ADGRA3: variants seen among roughly 807,000 people sequenced by gnomAD.
The protein encoded by ADGRA3 is adhesion G protein-coupled receptor A3.
ADGRA3 carries 56 observed loss-of-function variants against 119.8 expected under a neutral mutation model. The observed-to-expected ratio is 0.47, with a 90% CI of 0.38 to 0.58. ADGRA3 has a LOEUF of 0.58. ADGRA3 is among the 20% of genes least tolerant of loss of function. The pLI is 0.00. For missense variants in ADGRA3, 1,516 were observed against 1,649.0 expected, an observed-to-expected ratio of 0.92 and a Z score of 1.40; for synonymous variants, 607 against 623.8, an observed-to-expected ratio of 0.97 and a Z score of 0.40.
chr4:22,430,981 G>T (rs2109052987), intron 10 of ADGRA3, among the ~76,000 whole-genome samples: 1 of 152,320 alleles, frequency 6.6e-6, no homozygotes, highest in Middle Eastern at 3.4e-3. Context: ...GCTTCCACGT[G>T]GTGTTGAGAT....
At chr4:22,494,774 T>G (rs1214355622) in intron 1 of ADGRA3, among the ~76,000 whole-genome samples, 1 of 152,034 alleles carries the variant, frequency 6.6e-6, no homozygotes. Context: ...AAAGATTATT[T>G]TTAGTTATTT....
chr4:22,472,863 GA>G (rs1185599912), intron 2 of ADGRA3, among the ~76,000 whole-genome samples: 1 of 152,082 alleles, frequency 6.6e-6, no homozygotes, highest in Non-Finnish European at 1.5e-5. Context: ...TATGTATTGT[GA>G]AATTTTATCC....
intron 1 of ADGRA3, among the ~76,000 whole-genome samples, chr4:22,511,857 C>T (rs1440882002): frequency 6.6e-6 from 1 of 151,814 alleles, no homozygotes; most frequent in Non-Finnish European, 1.5e-5. Context: ...CCCCTTGTTC[C>T]CTCACCGTTT....
At chr4:22,401,216 A>T (rs1014395573) in intron 16 of ADGRA3, among the ~76,000 whole-genome samples, 3 of 152,342 alleles carry the variant, frequency 2.0e-5, no homozygotes, top group Admixed American at 2.0e-4. Flanking sequence ...ATTCCCAATG[A>T]TAAAGGGATG....
In ADGRA3 at chr4:22,515,853, G is replaced by A. The variant is rs914687816; in HGVS notation, c.-69C>T. On this transcript the variant is annotated 5_prime_UTR_variant, in exon 1 of 19. Coordinates refer to ENST00000334304, the MANE Select transcript of ADGRA3 (RefSeq NM_145290.4). ...TAGCGGGCCGCCCCGGAGCCCGGGC[G>A]GGCAGGAGCGCGGCGCGGGCCCAGC... 1,573 of 970,652 alleles carry A rather than the reference G, an allele frequency of 1.6e-3. 18 individuals carry two copies. In the African/African-American group the frequency reaches 0.026, roughly 16 times the overall value. 60.1% of individuals were successfully genotyped at this position (970,652 alleles called of 1,614,324 possible).
intron 4 of ADGRA3, among the ~76,000 whole-genome samples, chr4:22,448,136 C>T (rs1056769965): frequency 6.6e-6 from 1 of 152,166 alleles, no homozygotes; most frequent in Non-Finnish European, 1.5e-5. Flanking sequence ...AACCCCTATT[C>T]TACAATGTGA....
intron 14 of ADGRA3, among the ~76,000 whole-genome samples, chr4:22,403,176 CAG>C (rs1401128357): frequency 6.6e-6 from 1 of 152,046 alleles, no homozygotes; most frequent in Admixed American, 6.6e-5. Context: ...ACTAGCTGAT[CAG>C]ACACAATGAG....
At chr4:22,492,295 A>T (rs889147109) in intron 1 of ADGRA3, among the ~76,000 whole-genome samples, 1 of 152,186 alleles carries the variant, frequency 6.6e-6, no homozygotes, top group Non-Finnish European at 1.5e-5. Context: ...TAAACAACAG[A>T]AACCTACTGC....
chr4:22,502,918 A>G (rs1460668108), intron 1 of ADGRA3, among the ~76,000 whole-genome samples: 1 of 150,962 alleles, frequency 6.6e-6, no homozygotes, highest in Admixed American at 6.6e-5. Flanking sequence ...AAAAAACAGT[A>G]AGAAAAATGA....
chr4:22,420,264 G>A (rs1715598706), intron 12 of ADGRA3: 2 of 152,194 alleles, frequency 1.3e-5, no homozygotes, highest in African/African-American at 2.4e-5. Flanking sequence ...TAGGGTGCTG[G>A]AGTTGTGCCT....
At chr4:22,458,152 C>T (rs1014610926) in intron 3 of ADGRA3, among the ~76,000 whole-genome samples, 12 of 152,120 alleles carry the variant, frequency 7.9e-5, no homozygotes, top group Admixed American at 3.9e-4. Context: ...AGCATCAGCC[C>T]GAGTTTCTGA....
intron 12 of ADGRA3, among the ~76,000 whole-genome samples, chr4:22,418,375 A>T (rs1043294049): frequency 6.6e-6 from 1 of 152,142 alleles, no homozygotes; most frequent in African/African-American, 2.4e-5. Flanking sequence ...AAAATAAAGG[A>T]GACAAGGGTG....
chr4:22,473,080 A>G (rs971584366), intron 2 of ADGRA3: 3 of 152,170 alleles, frequency 2.0e-5, no homozygotes, highest in Admixed American at 6.5e-5. Flanking sequence ...ATAAAATATC[A>G]AAGTTTATAC....
chr4:22,469,333 T>C (rs945701072), intron 2 of ADGRA3, among the ~76,000 whole-genome samples: 7 of 152,204 alleles, frequency 4.6e-5, no homozygotes, highest in Admixed American at 3.3e-4. Context: ...GACTGTTAAG[T>C]TACATGAGGC....
rs778019443 is a variant in ADGRA3, at chr4:22,401,469, C to T, written c.2443G>A (p.Gly815Arg). The change falls in exon 16 of 19, where the codon GGA becomes AGA. Residue 815 changes from glycine (G) to arginine (R), a missense_variant. By Grantham distance (125) the Gly-to-Arg change is moderately radical. This residue lies in a region of ADGRA3 where 1,088 missense variants were observed against 1,107.1 expected (regional missense o/e 0.98). Coordinates refer to ENST00000334304, the MANE Select transcript of ADGRA3 (RefSeq NM_145290.4). ...CTGGCATTCCTAGTCTGGGTTATTC[C>T]TCCCACAAAGACCACACAGGTTAGG... The part of the protein sequence containing the change: ...IFLTCVVFVG[G>R]ITQTRNASIC... 9 of 1,610,676 alleles carry T rather than the reference C, an allele frequency of 5.6e-6. No individual in the cohort carries two copies. In the South Asian group the frequency reaches 1.0e-4, roughly 18 times the overall value.
intron 4 of ADGRA3, among the ~76,000 whole-genome samples, chr4:22,449,389 G>A (rs1276733684): frequency 6.6e-6 from 1 of 151,946 alleles, no homozygotes; most frequent in East Asian, 1.9e-4. Flanking sequence ...TTAAAATAAT[G>A]AATGCTACAA....
chr4:22,444,644 T>C (rs577206695), intron 6 of ADGRA3, among the ~76,000 whole-genome samples: 2 of 152,260 alleles, frequency 1.3e-5, no homozygotes, highest in South Asian at 4.2e-4. Context: ...ACACAGGATG[T>C]GGGCATCCTG....
chr4:22,447,357 C>T, intron 5 of ADGRA3, 83 bp downstream of exon 5: 1 of 865,646 alleles, frequency 1.2e-6, no homozygotes, highest in Non-Finnish European at 1.8e-6. Flanking sequence ...CACAAAGTCT[C>T]TGAAACCACA....
Position 22,515,472 on chromosome 4 carries a change from G to C in ADGRA3, c.257+56C>G, listed in dbSNP as rs118092799. 15,144 of 1,570,558 alleles carry C rather than the reference G, an allele frequency of 9.6e-3. 218 individuals carry two copies. The highest frequency in any genetic ancestry group is 0.056 in the East Asian group (2,259 of 40,612). On this transcript the variant is annotated intron_variant, in intron 1 of 18. Coordinates refer to ENST00000334304, the MANE Select transcript of ADGRA3 (RefSeq NM_145290.4). ...GCTGGACCCTGCTCCAAAGTTGAGC[G>C]GAGAGATAAGAAAGAGCCGAGCGGG...
Sources: gnomAD v4.1 joint callset for allele counts (sites outside exome capture counted in the v4.1 genomes callset) on GRCh38, gnomAD v4.1.1 for gene constraint, gnomAD v4.1.1 regional missense constraint, MANE v1.5 for transcripts, NCBI Gene and HGNC (gene_info 2026-07-23, HGNC 2026-07-21) for gene names.